The following GLB1 variants were observed in gnomAD, a reference collection of about 807,000 sequenced individuals.
GLB1 encodes galactosidase beta 1.
Under a neutral mutation model 74.0 loss-of-function variants are expected in GLB1, and 56 were observed. The ratio of observed to expected loss-of-function variants is 0.76; its 90% CI spans 0.61 to 0.94. The LOEUF is 0.94. Ranked by LOEUF, GLB1 falls within the 40% of genes least tolerant of loss-of-function variation. The pLI, the probability that GLB1 is intolerant of heterozygous loss-of-function variation, is 0.00. For missense variants in GLB1, 787 were observed against 845.5 expected (o/e 0.93, Z 0.86); for synonymous variants, 323 against 323.6 (o/e 1.00, Z 0.02).
intron 14 of GLB1, among the ~76,000 whole-genome samples, chr3:33,015,314 C>A (rs916321377): frequency 6.6e-6 from 1 of 152,172 alleles, no homozygotes; most frequent in African/African-American, 2.4e-5. Flanking sequence ...GAGTCACTCA[C>A]CTGTTATGAG....
chr3:33,045,825 C>T (rs1559398181), intron 10 of GLB1: 12 of 1,108,070 alleles, frequency 1.1e-5, no homozygotes, highest in Non-Finnish European at 1.4e-5. Context: ...GAAATTTCCC[C>T]GGGTGAATTC....
chr3:32,992,891 G>A (rs937360416), downstream of GLB1, among the ~76,000 whole-genome samples: 3 of 152,204 alleles, frequency 2.0e-5, no homozygotes, highest in African/African-American at 7.2e-5. Context: ...GAAGGGCAAG[G>A]GACATCTGGG....
At chr3:33,092,740 G>A (rs1700817956) in intron 1 of GLB1, 1 of 1,504,534 alleles carries the variant, frequency 6.6e-7, no homozygotes, top group Non-Finnish European at 8.9e-7. Context: ...GGATGAGTGG[G>A]CAAGGCTGGA....
intron 15 of GLB1, 76 bp downstream of exon 15, chr3:33,013,980 C>G: frequency 6.2e-7 from 1 of 1,611,056 alleles, no homozygotes; most frequent in Non-Finnish European, 8.5e-7. Flanking sequence ...ACTAACAGCT[C>G]TTTGTGATTC....
At chr3:33,004,887 G>A (rs992827778) in intron 15 of GLB1, among the ~76,000 whole-genome samples, 4 of 152,182 alleles carry the variant, frequency 2.6e-5, no homozygotes, top group Non-Finnish European at 5.9e-5. Flanking sequence ...CCAGAGCCTT[G>A]TAAGAGCTGA....
the GLB1 span, among the ~76,000 whole-genome samples, chr3:32,984,467 T>C: frequency 4.6e-5 from 7 of 152,210 alleles, no homozygotes; most frequent in African/African-American, 1.7e-4. Flanking sequence ...TTCATACTTA[T>C]TTTGCTTTGG....
At chr3:32,969,844 A>T in the GLB1 span, among the ~76,000 whole-genome samples, 1 of 152,252 alleles carries the variant, frequency 6.6e-6, no homozygotes, top group African/African-American at 2.4e-5. Context: ...GTTTGTAAAC[A>T]AACAGTGTTT....
At chr3:33,068,111 T>C (rs2125547693) in intron 4 of GLB1, 119 bp downstream of exon 4, 1 of 1,454,010 alleles carries the variant, frequency 6.9e-7, no homozygotes, top group Non-Finnish European at 9.6e-7. Context: ...GGTCTCGAAC[T>C]CCCAACCTCA....
chr3:32,971,847 TG>T, the GLB1 span, among the ~76,000 whole-genome samples: 1 of 152,196 alleles, frequency 6.6e-6, no homozygotes, highest in Non-Finnish European at 1.5e-5. Flanking sequence ...AGGAACCCTC[TG>T]GCCTATATTG....
intron 15 of GLB1, among the ~76,000 whole-genome samples, chr3:33,002,346 TC>T (rs1334849974): frequency 1.4e-4 from 7 of 50,524 alleles, no homozygotes; most frequent in East Asian, 6.0e-4. Context: ...CCTCCCTCCC[TC>T]CCTTCCTTCC....
chr3:32,999,648 A>T (rs965506072), intron 15 of GLB1, among the ~76,000 whole-genome samples: 1 of 152,030 alleles, frequency 6.6e-6, no homozygotes, highest in African/African-American at 2.4e-5. Context: ...CTTGCTTGAG[A>T]TTGGGAGGGT....
At chr3:32,992,927 G>A (rs1696248066), downstream of GLB1, among the ~76,000 whole-genome samples, 1 of 152,220 alleles carries the variant, frequency 6.6e-6, no homozygotes, top group African/African-American at 2.4e-5. Context: ...CAGACCAAGA[G>A]CAGGGGCTAG....
chr3:33,026,279 C>T (rs1195721424), intron 10 of GLB1, among the ~76,000 whole-genome samples: 1 of 152,224 alleles, frequency 6.6e-6, no homozygotes, highest in African/African-American at 2.4e-5. Context: ...GGGCTGAGCC[C>T]ACGTGCTGTC....
chr3:33,023,325 C>G (rs1207990205), intron 11 of GLB1, among the ~76,000 whole-genome samples: 1 of 152,136 alleles, frequency 6.6e-6, no homozygotes, highest in African/African-American at 2.4e-5. Context: ...TGACTGAAGT[C>G]TGATTAATCT....
intron 1 of GLB1, chr3:33,090,801 G>A (rs540563533): frequency 1.0e-6 from 1 of 985,312 alleles, no homozygotes; most frequent in South Asian, 4.7e-5. Flanking sequence ...TACATAGGAT[G>A]GACCTGTTTT....
the GLB1 span, among the ~76,000 whole-genome samples, chr3:32,985,435 T>C: frequency 4.7e-5 from 7 of 150,494 alleles, no homozygotes; most frequent in African/African-American, 1.7e-4. Flanking sequence ...GGATTACAGG[T>C]GCCTGTCACC....
intron 9 of GLB1, among the ~76,000 whole-genome samples, chr3:33,049,422 TTA>T (rs1403577676): frequency 6.6e-6 from 1 of 152,174 alleles, no homozygotes; most frequent in Non-Finnish European, 1.5e-5. Flanking sequence ...GGTATTTATT[TTA>T]TTTTATTTTT....
intron 10 of GLB1, among the ~76,000 whole-genome samples, chr3:33,035,752 A>G (rs1402461241): frequency 3.3e-5 from 5 of 152,196 alleles, no homozygotes; most frequent in Middle Eastern, 3.2e-3. Context: ...ATTGTAGCTC[A>G]AACTGACTAA....
intron 10 of GLB1, among the ~76,000 whole-genome samples, chr3:33,044,950 A>G (rs930727839): frequency 2.0e-5 from 3 of 152,250 alleles, no homozygotes; most frequent in Admixed American, 2.0e-4. Flanking sequence ...CAGAAACAGC[A>G]ATCACTTGCT....
Sources: gnomAD v4.1 joint callset for allele counts (sites outside exome capture counted in the v4.1 genomes callset) on GRCh38, gnomAD v4.1.1 for gene constraint, MANE v1.5 for transcripts, NCBI Gene and HGNC (gene_info 2026-07-23, HGNC 2026-07-21) for gene names.